The following FSIP2 variants were observed in gnomAD, a reference collection of about 807,000 sequenced individuals.
The protein encoded by FSIP2 is fibrous sheath interacting protein 2, also known as fibrous sheath-interacting protein 2.
FSIP2 carries 367 observed loss-of-function variants against 510.5 expected under a neutral mutation model. The observed-to-expected ratio is 0.72, with a 90% confidence interval of 0.66 to 0.78. FSIP2 has a LOEUF of 0.78. Among genes scored for constraint, FSIP2 ranks in the 30% least tolerant of loss-of-function variants. FSIP2 has a pLI of 0.00. For synonymous variants in FSIP2, 2,601 were observed against 2,732.2 expected, an observed-to-expected ratio of 0.95 and a Z score of 1.50; for missense variants, 7,594 against 7,901.7, an observed-to-expected ratio of 0.96 and a Z score of 1.48.
intron 17 of FSIP2, among the ~76,000 whole-genome samples, chr2:185,810,292 C>A (rs1693697762): frequency 6.6e-6 from 1 of 151,976 alleles, no homozygotes; most frequent in Admixed American, 6.6e-5. Context: ...TGGGGACAGA[C>A]CCTTCATGGC....
Position 185,795,587 on chromosome 2 carries a change from T to C in FSIP2, c.8451T>C (p.Cys2817=). 6.5e-7 allele frequency: 1 copy of C among 1,535,094 alleles called. No homozygotes were observed. The highest frequency in any genetic ancestry group is 8.7e-7 in the Non-Finnish European group (1 of 1,146,102). The change falls in exon 16 of 23, where the codon TGT becomes TGC. Residue 2817 remains cysteine, a synonymous_variant. Coordinates refer to ENST00000424728, the MANE Select transcript of FSIP2 (RefSeq NM_173651.4). ...GTGSLPKQQA[C]FYLENVSSQL... is the part of the protein sequence containing the mutation. ...GATCCCTTCCTAAACAACAAGCATGTTTTTACTTGGAGAATGTTTCTTCAC... is the reference window on the plus strand; with the variant it reads ...GATCCCTTCCTAAACAACAAGCATGCTTTTACTTGGAGAATGTTTCTTCAC...
chr2:185,784,498 C>T (rs1053615742), intron 14 of FSIP2, among the ~76,000 whole-genome samples: 1 of 151,934 alleles, frequency 6.6e-6, no homozygotes, highest in Non-Finnish European at 1.5e-5. Flanking sequence ...CTATTAGTGG[C>T]CTGCAAAGGC....
chr2:185,761,164 T>C, intron 10 of FSIP2, 61 bp downstream of exon 10: 2 of 642,118 alleles, frequency 3.1e-6, no homozygotes, highest in East Asian at 3.0e-5. Context: ...TTAACTTTTA[T>C]TTCTATGAAC....
Position 185,804,844 on chromosome 2 carries a change from GA to G in FSIP2, c.15541del (p.Ser5181ValfsTer4). The G allele has an allele frequency of 6.5e-7, 1 of 1,530,784 alleles. No individual in the cohort carries two copies. Among genetic ancestry groups the G allele is most frequent in the African/African-American group, 1.4e-5 (1 of 72,636 alleles). 94.8% of individuals were successfully genotyped at this position (1,530,784 alleles called of 1,614,324 possible). On this transcript the variant is annotated frameshift_variant, in exon 17 of 23. Coordinates refer to ENST00000424728, the MANE Select transcript of FSIP2 (RefSeq NM_173651.4). LOFTEE classifies it high-confidence loss of function. Reference sequence around the variant, plus strand: ...ACTTTCCATGGCAGAGGATAATGCAGAAAGTATGCAGTTAGAACCTATTGAA... The same window carrying G: ...ACTTTCCATGGCAGAGGATAATGCAGAAGTATGCAGTTAGAACCTATTGAA... ...IRLSMAEDNA[E>X]SMQLEPIENL...
Position 185,791,892 on chromosome 2 carries a change from C to A in FSIP2, c.4756C>A (p.Leu1586Ile). The change falls in exon 16 of 23, where the codon CTT becomes ATT. Residue 1586 changes from leucine (L) to isoleucine (I), a missense_variant. Coordinates refer to ENST00000424728, the MANE Select transcript of FSIP2 (RefSeq NM_173651.4). ...NKLKAVASDI[L>I]NMVFAKLEGF... is the part of the protein sequence containing the mutation. ...ACTAAAAGCTGTAGCTTCAGATATTCTTAATATGGTTTTTGCTAAACTGGA... is the reference window on the plus strand; with the variant it reads ...ACTAAAAGCTGTAGCTTCAGATATTATTAATATGGTTTTTGCTAAACTGGA... 1 of 1,533,954 alleles carries A rather than the reference C, an allele frequency of 6.5e-7. No homozygotes were observed. The highest frequency in any genetic ancestry group is 1.2e-5 in the South Asian group (1 of 83,984).
At chr2:185,759,156 G>A (rs924891366) in intron 9 of FSIP2, among the ~76,000 whole-genome samples, 1 of 150,738 alleles carries the variant, frequency 6.6e-6, no homozygotes, top group Non-Finnish European at 1.5e-5. Context: ...ATCAGCTCTA[G>A]ATATTTAAAT....
intron 14 of FSIP2, among the ~76,000 whole-genome samples, chr2:185,785,413 T>G (rs2105602014): frequency 6.6e-6 from 1 of 152,152 alleles, no homozygotes; most frequent in South Asian, 2.1e-4. Context: ...TTCTCAAAAT[T>G]GAATTATATC....
chr2:185,753,821 A>G lies in FSIP2; in HGVS notation c.970A>G (p.Arg324Gly), dbSNP rs1389585740. The G allele has an allele frequency of 6.7e-7, 1 of 1,489,370 alleles. No homozygotes were observed. The highest frequency in any genetic ancestry group is 2.5e-5 in the East Asian group (1 of 39,978). 92.3% of individuals were successfully genotyped at this position (1,489,370 alleles called of 1,614,324 possible). Residue 324 changes from arginine (R) to glycine (G), a missense_variant, in exon 8 of 23, where the codon AGA becomes GGA. Physicochemically the swap from Arg to Gly is moderately radical, Grantham distance 125 (BLOSUM62 -2). Coordinates refer to ENST00000424728, the MANE Select transcript of FSIP2 (RefSeq NM_173651.4). ...TATAGGAAAAAATACATTTAAATACAGAGGTCAAGATGGAACACATGGTGA... is the reference window on the plus strand; with the variant it reads ...TATAGGAAAAAATACATTTAAATACGGAGGTCAAGATGGAACACATGGTGA... ...EDIGKNTFKY[R>G]GQDGTHASPK...
intron 4 of FSIP2, chr2:185,745,019 G>A (rs1691998882): frequency 6.5e-6 from 1 of 153,466 alleles, no homozygotes; most frequent in African/African-American, 2.4e-5. Flanking sequence ...TCAGATTTTA[G>A]GGTCAAGAGG....
intron 13 of FSIP2, among the ~76,000 whole-genome samples, chr2:185,773,395 A>G (rs775527165): frequency 5.9e-5 from 9 of 152,144 alleles, no homozygotes; most frequent in Non-Finnish European, 1.2e-4. Flanking sequence ...TTTGTAAGTG[A>G]CTAGATGCTT....
chr2:185,766,479 C>T (rs1692484359), intron 13 of FSIP2: 1 of 147,500 alleles, frequency 6.8e-6, no homozygotes, highest in African/African-American at 2.5e-5. Context: ...AAGAAAAAAA[C>T]AAACAACCCC....
intron 13 of FSIP2, among the ~76,000 whole-genome samples, chr2:185,777,743 G>C (rs942781968): frequency 1.3e-5 from 2 of 151,998 alleles, no homozygotes; most frequent in African/African-American, 2.4e-5. Flanking sequence ...TACATGTGTA[G>C]ATTAAATTTA....
chr2:185,767,667 C>T (rs1025963605), intron 13 of FSIP2, among the ~76,000 whole-genome samples: 9 of 152,242 alleles, frequency 5.9e-5, no homozygotes, highest in Non-Finnish European at 1.2e-4. Context: ...GTCTGTCTGT[C>T]TGTCTGTCTG....
At chr2:185,748,309 T>C (rs1692076793) in intron 7 of FSIP2, among the ~76,000 whole-genome samples, 1 of 151,874 alleles carries the variant, frequency 6.6e-6, no homozygotes, top group Admixed American at 6.6e-5. Context: ...TTTTTATTTA[T>C]TTATTTATTT....
At chr2:185,763,641 G>C (rs1026639234) in intron 12 of FSIP2, among the ~76,000 whole-genome samples, 10 of 151,552 alleles carry the variant, frequency 6.6e-5, no homozygotes, top group African/African-American at 2.4e-4. Flanking sequence ...ACATGAAATA[G>C]ATTTTTTTCT....
chr2:185,781,044 T>C (rs2193825), intron 13 of FSIP2, among the ~76,000 whole-genome samples: 81,908 of 150,830 alleles, frequency 0.54, 22,519 homozygotes, highest in South Asian at 0.64. Context: ...ATTTCTCTGC[T>C]TCCTCTGTGG....
intron 7 of FSIP2, among the ~76,000 whole-genome samples, chr2:185,750,575 C>T (rs1692124696): frequency 7.1e-6 from 1 of 141,384 alleles, no homozygotes; most frequent in African/African-American, 2.5e-5. Context: ...TCTCCAACTG[C>T]TAGTTTTTAG....
intron 13 of FSIP2, among the ~76,000 whole-genome samples, chr2:185,771,747 G>A (rs1396743918): frequency 6.6e-6 from 1 of 152,154 alleles, no homozygotes; most frequent in Non-Finnish European, 1.5e-5. Context: ...AATCTCTCTA[G>A]TAAGTGATTG....
At chr2:185,782,259 T>G (rs541322168) in intron 13 of FSIP2, among the ~76,000 whole-genome samples, 3 of 150,284 alleles carry the variant, frequency 2.0e-5, no homozygotes, top group African/African-American at 7.3e-5. Flanking sequence ...ATAGACATGT[T>G]TAGAGTGCTT....
Sources: gnomAD v4.1 joint callset for allele counts (sites outside exome capture counted in the v4.1 genomes callset) on GRCh38, gnomAD v4.1.1 for gene constraint, MANE v1.5 for transcripts, NCBI Gene and HGNC (gene_info 2026-07-23, HGNC 2026-07-21) for gene names.